The following CTNNA3 variants were observed in gnomAD, a reference collection of about 807,000 sequenced individuals.
CTNNA3 encodes the protein catenin alpha-3.
Under a neutral mutation model 95.7 loss-of-function variants are expected in CTNNA3, and 76 were observed. That is an observed-to-expected ratio of 0.79 (90% CI 0.66 to 0.96). The LOEUF (loss-of-function observed/expected upper bound fraction) is 0.96. Among genes scored for constraint, CTNNA3 ranks in the 40% least tolerant of loss-of-function variants. The pLI is 0.00. For synonymous variants in CTNNA3, 431 were observed against 374.4 expected, an observed-to-expected ratio of 1.15 and a Z score of -1.74; for missense variants, 1,191 against 1,089.8, an observed-to-expected ratio of 1.09 and a Z score of -1.31.
Position 66,322,741 on chromosome 10 carries a change from A to C in CTNNA3, c.1733-42120T>G, listed in dbSNP as rs2092206182. 5.9e-5 allele frequency among the ~76,000 whole-genome samples: 9 copies of C among 152,082 alleles called. No homozygotes were observed. The South Asian group carries it at 1.9e-3, about 32-fold the overall frequency. ...CTGCTGAATATATGTTGCCAGCTGC[A>C]CTTAAGTGTCAACCTTAGGAAAAGA... is the stretch of plus-strand genomic sequence containing the variant. On this transcript the variant is annotated intron_variant, in intron 12 of 17. Coordinates refer to ENST00000433211, the MANE Select transcript of CTNNA3 (RefSeq NM_013266.4).
At chr10:67,345,863 T>G (rs572054511) in intron 5 of CTNNA3, among the ~76,000 whole-genome samples, 1 of 152,128 alleles carries the variant, frequency 6.6e-6, no homozygotes, top group Admixed American at 6.6e-5. Context: ...ACTCCTGCCA[T>G]TTTGTTGTTT....
At chr10:67,002,007 G>A (rs550946131) in intron 7 of CTNNA3, among the ~76,000 whole-genome samples, 1 of 152,250 alleles carries the variant, frequency 6.6e-6, no homozygotes, top group South Asian at 2.1e-4. Flanking sequence ...AGAGTCCGAA[G>A]ACCTAGGTTC....
At position 67,405,188 on chromosome 10, in the gene CTNNA3, G is replaced by T. The variant is rs535306705; in HGVS notation, c.579+116654C>A. The stretch of plus-strand genomic sequence containing the variant: ...ATAACCAGCTAGCATCATGATCACA[G>T]GATCAAATCCATACATAACAGTATT... On this transcript the variant is annotated intron_variant, in intron 5 of 17. Coordinates refer to ENST00000433211, the MANE Select transcript of CTNNA3 (RefSeq NM_013266.4). 2.8e-4 allele frequency among the ~76,000 whole-genome samples: 42 copies of T among 152,176 alleles called. 1 individual carries two copies. The South Asian group carries it at 7.5e-3, about 27-fold the overall frequency.
chr10:67,485,426 A>C (rs1416795325), intron 5 of CTNNA3, among the ~76,000 whole-genome samples: 1 of 152,184 alleles, frequency 6.6e-6, no homozygotes, highest in Non-Finnish European at 1.5e-5. Context: ...GATGAATCTT[A>C]GCCCAAACCT....
chr10:66,449,419 C>T (rs1486587035), intron 11 of CTNNA3, among the ~76,000 whole-genome samples: 1 of 152,066 alleles, frequency 6.6e-6, no homozygotes, highest in Non-Finnish European at 1.5e-5. Context: ...CCTTTACAGA[C>T]ATTATAATGT....
chr10:67,101,069 C>G (rs1003521804), intron 7 of CTNNA3, among the ~76,000 whole-genome samples: 4 of 151,690 alleles, frequency 2.6e-5, no homozygotes, highest in Admixed American at 2.6e-4. Context: ...ACTCTGGGCT[C>G]TCACATTAAA....
chr10:66,180,268 T>G lies in CTNNA3; in HGVS notation c.1885-77019A>C, dbSNP rs143291709. On this transcript the variant is annotated intron_variant, in intron 13 of 17. Transcript: ENST00000433211. The stretch of plus-strand genomic sequence containing the variant: ...ATGAGCTGGAGCCCAGTGCTGAACA[T>G]CAGAAATCAAGAGGCAATCTAAGTG... 2.8e-3 allele frequency among the ~76,000 whole-genome samples: 432 copies of G among 152,188 alleles called. 2 individuals carry two copies. The highest frequency in any genetic ancestry group is 9.6e-3 in the African/African-American group (397 of 41,512).
At chr10:66,280,719 T>A (rs2091478001) in intron 12 of CTNNA3, 98 bp from the exon 13 acceptor site, 1 of 805,522 alleles carries the variant, frequency 1.2e-6, no homozygotes, top group Admixed American at 3.1e-5. Flanking sequence ...TAAACAAATA[T>A]TTGATTAATA....
chr10:67,219,618 C>A lies in CTNNA3; in HGVS notation c.832G>T (p.Asp278Tyr). 6.2e-7 allele frequency: 1 copy of A among 1,612,760 alleles called. No individual in the cohort carries two copies. Among genetic ancestry groups the A allele is most frequent in the Admixed American group, 1.7e-5 (1 of 59,958 alleles). Residue 278 changes from aspartate to tyrosine, a missense_variant, in exon 6 of 18, where the codon GAT becomes TAT. Transcript: ENST00000433211. Reference sequence around the variant, plus strand: ...TTCTCCCGACTTACCTCCAGCTCATCAAGGGCACTTCCCAGGGTTGCTGCC... The same window carrying A: ...TTCTCCCGACTTACCTCCAGCTCATAAAGGGCACTTCCCAGGGTTGCTGCC... ...PQAATLGSAL[D>Y]ELENLIVLNP...
chr10:66,868,490 C>T (rs905225474), intron 7 of CTNNA3, among the ~76,000 whole-genome samples: 1 of 150,706 alleles, frequency 6.6e-6, no homozygotes, highest in South Asian at 2.1e-4. Context: ...CAGTTGGTCA[C>T]GCCTGTAATC....
chr10:66,341,950 T>C (rs970509569), intron 12 of CTNNA3, among the ~76,000 whole-genome samples: 18 of 135,966 alleles, frequency 1.3e-4, no homozygotes, highest in African/African-American at 4.6e-4. Context: ...GGCATCATTA[T>C]GTGTGTGTGT....
intron 1 of CTNNA3, among the ~76,000 whole-genome samples, chr10:67,736,958 T>C: frequency 6.6e-6 from 1 of 151,944 alleles, no homozygotes; most frequent in East Asian, 1.9e-4. Flanking sequence ...TCAAGTACCT[T>C]TTTATTTTAA....
chr10:67,032,387 C>T (rs140891528), intron 7 of CTNNA3, among the ~76,000 whole-genome samples: 17 of 152,174 alleles, frequency 1.1e-4, no homozygotes, highest in Non-Finnish European at 1.6e-4. Flanking sequence ...TAGCCCATTT[C>T]GCCTCCAATA....
intron 3 of CTNNA3, among the ~76,000 whole-genome samples, chr10:67,603,420 C>G (rs1843150784): frequency 6.6e-6 from 1 of 152,030 alleles, no homozygotes; most frequent in Admixed American, 6.5e-5. Flanking sequence ...GGTAACACTT[C>G]CAGAAGAAGG....
At chr10:66,236,390 C>T (rs754344987) in intron 13 of CTNNA3, among the ~76,000 whole-genome samples, 1 of 152,092 alleles carries the variant, frequency 6.6e-6, no homozygotes, top group Non-Finnish European at 1.5e-5. Context: ...ATGAAATAGA[C>T]AGATTGAATA....
At chr10:66,378,138 A>G (rs2092809225) in intron 12 of CTNNA3, among the ~76,000 whole-genome samples, 1 of 152,166 alleles carries the variant, frequency 6.6e-6, no homozygotes, top group African/African-American at 2.4e-5. Context: ...TCTCTAGTGA[A>G]TATTATTCAA....
chr10:67,737,566 T>C (rs1323252449), intron 1 of CTNNA3, among the ~76,000 whole-genome samples: 1 of 152,168 alleles, frequency 6.6e-6, no homozygotes, highest in Non-Finnish European at 1.5e-5. Context: ...AGTTAGTTTT[T>C]TGGCAACCCC....
intron 7 of CTNNA3, among the ~76,000 whole-genome samples, chr10:66,802,716 C>A (rs1009336628): frequency 1.3e-5 from 2 of 149,038 alleles, no homozygotes; most frequent in South Asian, 4.2e-4. Context: ...AGCCCCAAAC[C>A]GAAAAAAAAA....
chr10:66,523,836 C>T (rs951364805), intron 10 of CTNNA3, among the ~76,000 whole-genome samples: 3 of 152,048 alleles, frequency 2.0e-5, no homozygotes, highest in East Asian at 3.9e-4. Flanking sequence ...TCTCAAATGC[C>T]GAAGTGATCA....
Sources: allele counts gnomAD v4.1 joint callset (sites outside exome capture counted in the v4.1 genomes callset), GRCh38; gene constraint gnomAD v4.1.1; transcripts MANE v1.5; gene names NCBI Gene and HGNC (gene_info 2026-07-23, HGNC 2026-07-21).